Variants in UNG observed in about 807,000 individuals in gnomAD.
The protein encoded by UNG is uracil DNA glycosylase.
In UNG, 34 loss-of-function variants were observed where a neutral mutation model predicts 36.5. The ratio of observed to expected loss-of-function variants is 0.93; its 90% CI spans 0.71 to 1.24. UNG has a LOEUF of 1.24. UNG is among the 50% of genes most tolerant of loss of function. UNG has a pLI of 0.00. For synonymous variants in UNG, 172 were observed against 157.8 expected, an observed-to-expected ratio of 1.09 and a Z score of -0.67; for missense variants, 391 against 397.6, an observed-to-expected ratio of 0.98 and a Z score of 0.14.
At chr12:109,098,104 G>T (rs991959745) in intron 1 of UNG, 23 of 1,385,394 alleles carry the variant, frequency 1.7e-5, no homozygotes, top group Admixed American at 3.2e-5. Context: ...CCCAGAGGGA[G>T]GTTTTTTGCC....
At position 109,109,781 on chromosome 12, in the gene UNG, A is replaced by AAAT. The variant is rs1555265461; in HGVS notation, c.802-48_802-47insAAT. 8,269 of 1,561,372 alleles carry AAAT rather than the reference A, an allele frequency of 5.3e-3. 25 individuals carry two copies. The highest frequency in any genetic ancestry group is 0.045 in the East Asian group (1,873 of 41,770). On this transcript the variant is annotated intron_variant, in intron 6 of 6. Transcript: ENST00000242576. Reference sequence around the variant, plus strand: ...TCTGTCTCAAAAAAAAAAAAAAAAAATTTAAAAAGTCCCAAATCTGCCACC... The same window carrying AAAT: ...TCTGTCTCAAAAAAAAAAAAAAAAAAAATTTTAAAAAGTCCCAAATCTGCCACC...
At chr12:109,101,741 T>C (rs1474216353) in intron 3 of UNG, among the ~76,000 whole-genome samples, 161 bp from the exon 4 acceptor site, 1 of 152,168 alleles carries the variant, frequency 6.6e-6, no homozygotes, top group Admixed American at 6.5e-5. Flanking sequence ...GGTACATATC[T>C]TTACAAGTTT....
rs746462706 is a variant in UNG, at chr12:109,101,918, T to C, written c.452T>C (p.Leu151Pro). 2.4e-5 allele frequency: 39 copies of C among 1,613,936 alleles called. No homozygotes were observed. The highest frequency in any genetic ancestry group is 3.2e-5 in the Non-Finnish European group (38 of 1,179,976). ...CDIKDVKVVI[L>P]GQDPYHGPNQ... The stretch of plus-strand genomic sequence containing the variant: ...GGTTCACAGGTGAAGGTTGTCATCC[T>C]GGGACAGGATCCATATCATGGACCT... Residue 151 changes from leucine to proline, a missense_variant, in exon 4 of 7, where the codon CTG (leucine) becomes CCG (proline). Leu to Pro is a moderately conservative substitution (Grantham distance 98). Coordinates refer to ENST00000242576, the MANE Select transcript of UNG (RefSeq NM_080911.3).
intron 6 of UNG, among the ~76,000 whole-genome samples, chr12:109,107,271 A>C (rs1593324667): frequency 6.6e-6 from 1 of 151,746 alleles, no homozygotes; most frequent in African/African-American, 2.4e-5. Flanking sequence ...CTTGATCTCA[A>C]CTCACTGCGG....
Position 109,097,631 on chromosome 12 carries a change from C to T in UNG, c.-49C>T, listed in dbSNP as rs1593317930. 6.3e-7 allele frequency: 1 copy of T among 1,587,922 alleles called. No individual in the cohort carries two copies. Among genetic ancestry groups the T allele is most frequent in the Non-Finnish European group, 8.6e-7 (1 of 1,167,044 alleles). ...CCGCCACAGCCACAGCCAGGGCTAG[C>T]CTCGCCGGTTCCCGGGTGGCGCGCG... On this transcript the variant is annotated 5_prime_UTR_variant, in exon 1 of 7. Coordinates refer to ENST00000242576, the MANE Select transcript of UNG (RefSeq NM_080911.3).
Position 109,108,000 on chromosome 12 carries a change from A to G in UNG, c.802-1829A>G, listed in dbSNP as rs192807474. On this transcript the variant is annotated intron_variant, in intron 6 of 6. Transcript: ENST00000242576. The stretch of plus-strand genomic sequence containing the variant: ...AATACAGTGTCTTGGGTATTTTTCT[A>G]AAGTTTTTAAAAAATGAAATTATTT... Among the ~76,000 whole-genome samples, 40 of 152,250 alleles carry G rather than the reference A, an allele frequency of 2.6e-4. 1 individual carries two copies. The East Asian group carries it at 7.1e-3, about 27-fold the overall frequency.
intron 2 of UNG, 51 bp downstream of exon 2, chr12:109,098,689 C>T: frequency 6.2e-7 from 1 of 1,611,126 alleles, no homozygotes. Context: ...GGCTGCCGGC[C>T]CTTTTGTCTT....
chr12:109,103,376 G>A, intron 5 of UNG, 57 bp from the exon 6 acceptor site: 1 of 1,521,816 alleles, frequency 6.6e-7, no homozygotes, highest in South Asian at 1.1e-5. Flanking sequence ...TCCTGTTGCT[G>A]GGTATTGGGC....
intron 6 of UNG, among the ~76,000 whole-genome samples, chr12:109,108,134 A>ATACATT (rs2042231445): frequency 6.6e-6 from 1 of 152,204 alleles, no homozygotes; most frequent in African/African-American, 2.4e-5. Context: ...CTTTAGAAAA[A>ATACATT]TACATTTAGC....
In UNG at chr12:109,098,558, G is replaced by A; in HGVS notation, c.259G>A (p.Ala87Thr). Residue 87 changes from alanine to threonine, a missense_variant, in exon 2 of 7, where the codon GCC (alanine) becomes ACC (threonine). By Grantham distance (58) the Ala-to-Thr change is moderately conservative. Transcript: ENST00000242576. ...GGCCGCGGCCCTGCTCAGACTCGCG[G>A]CCCGCAACGTGCCCGTGGGCTTTGG... ...NKAAALLRLA[A>T]RNVPVGFGES... 6.2e-7 allele frequency: 1 copy of A among 1,613,328 alleles called. No individual in the cohort carries two copies. Among genetic ancestry groups the A allele is most frequent in the Non-Finnish European group, 8.5e-7 (1 of 1,180,010 alleles).
rs752331296 is a variant in UNG, at chr12:109,102,014, C to G, written c.533+15C>G. 15 of 1,606,912 alleles carry G rather than the reference C, an allele frequency of 9.3e-6. No homozygotes were observed. The South Asian group carries it at 1.6e-4, about 18-fold the overall frequency. On this transcript the variant is annotated intron_variant, in intron 4 of 6. Transcript: ENST00000242576. Reference sequence around the variant, plus strand: ...CCTCCGCCCAGGTACAGTTGCTTTACAGGTGACTGCAGTCCAGACATGATT... The same window carrying G: ...CCTCCGCCCAGGTACAGTTGCTTTAGAGGTGACTGCAGTCCAGACATGATT...
intron 6 of UNG, among the ~76,000 whole-genome samples, chr12:109,103,950 C>T (rs1446725656): frequency 2.0e-5 from 3 of 152,146 alleles, no homozygotes; most frequent in Non-Finnish European, 4.4e-5. Flanking sequence ...TTTCTGGCTT[C>T]CAAGAAATTT....
In UNG at chr12:109,099,297, T is replaced by G; in HGVS notation, c.435+13T>G. On this transcript the variant is annotated intron_variant, in intron 3 of 6. Coordinates refer to ENST00000242576, the MANE Select transcript of UNG (RefSeq NM_080911.3). ...TGACATAAAAGATGTAAGTACAACT[T>G]GTTGATAATTTTTATTGGGGAGAAG... 6.2e-7 allele frequency: 1 copy of G among 1,608,322 alleles called. No homozygotes were observed. Among genetic ancestry groups the G allele is most frequent in the Non-Finnish European group, 8.5e-7 (1 of 1,174,782 alleles).
intron 3 of UNG, among the ~76,000 whole-genome samples, chr12:109,099,540 A>AC (rs1226051958): frequency 6.6e-6 from 1 of 152,076 alleles, no homozygotes; most frequent in African/African-American, 2.4e-5. Flanking sequence ...CCTGAAACTA[A>AC]CCTCCCGCGG....
chr12:109,108,063 CATCAGT>C (rs1394035059), intron 6 of UNG, among the ~76,000 whole-genome samples: 1 of 152,128 alleles, frequency 6.6e-6, no homozygotes, highest in Non-Finnish European at 1.5e-5. Context: ...GAGGTCATCT[CATCAGT>C]ATATTTATCT....
At chr12:109,102,744 A>T in intron 4 of UNG, 95 bp from the exon 5 acceptor site, 2 of 1,028,006 alleles carry the variant, frequency 1.9e-6, no homozygotes, top group Non-Finnish European at 1.5e-6. Flanking sequence ...GCTGGCTGTA[A>T]CTTCTAACCT....
intron 6 of UNG, among the ~76,000 whole-genome samples, chr12:109,108,261 C>G (rs2042232110): frequency 6.6e-6 from 1 of 152,112 alleles, no homozygotes; most frequent in African/African-American, 2.4e-5. Flanking sequence ...GAAGTTTGAC[C>G]TGATTTTTTT....
Position 109,103,582 on chromosome 12 carries a change from G to T in UNG, c.772G>T (p.Ala258Ser). Residue 258 changes from alanine (A) to serine (S), a missense_variant, in exon 6 of 7, where the codon GCT (alanine) becomes TCT (serine). Coordinates refer to ENST00000242576, the MANE Select transcript of UNG (RefSeq NM_080911.3). ...TGTTTTCTTGCTCTGGGGCTCTTAT[G>T]CTCAGAAGAAGGGCAGTGCCATTGA... ...GLVFLLWGSY[A>S]QKKGSAIDRK... 1 of 1,613,682 alleles carries T rather than the reference G, an allele frequency of 6.2e-7. No individual in the cohort carries two copies. The highest frequency in any genetic ancestry group is 8.5e-7 in the Non-Finnish European group (1 of 1,179,976).
chr12:109,110,174 T>C lies in UNG; in HGVS notation c.*205T>C. 4 of 641,930 alleles carry C rather than the reference T, an allele frequency of 6.2e-6. No homozygotes were observed. Among genetic ancestry groups the C allele is most frequent in the Non-Finnish European group, 5.3e-6 (2 of 374,338 alleles). 39.8% of individuals were successfully genotyped at this position (641,930 alleles called of 1,614,324 possible). Reference sequence around the variant, plus strand: ...AGGCTACCCTTTGACCAAATGTCTTTCTCTGCAACATGGCTTCGGCCTAAA... The same window carrying C: ...AGGCTACCCTTTGACCAAATGTCTTCCTCTGCAACATGGCTTCGGCCTAAA... On this transcript the variant is annotated 3_prime_UTR_variant, in exon 7 of 7. Coordinates refer to ENST00000242576, the MANE Select transcript of UNG (RefSeq NM_080911.3).
Sources: allele counts gnomAD v4.1 joint callset (sites outside exome capture counted in the v4.1 genomes callset), GRCh38; gene constraint gnomAD v4.1.1; transcripts MANE v1.5; gene names NCBI Gene and HGNC (gene_info 2026-07-23, HGNC 2026-07-21).